The following ZNF385B variants were observed in gnomAD, a reference collection of about 807,000 sequenced individuals.
The protein encoded by ZNF385B is zinc finger protein 533.
ZNF385B carries 23 observed loss-of-function variants against 39.2 expected under a neutral mutation model. That is an observed-to-expected ratio of 0.59 (90% CI 0.42 to 0.83). ZNF385B has a LOEUF of 0.83. Ranked by LOEUF, ZNF385B falls within the 40% of genes least tolerant of loss-of-function variation. The pLI is 0.00. For synonymous variants in ZNF385B, 205 were observed against 222.6 expected (o/e 0.92, Z 0.70); for missense variants, 552 against 598.9 (o/e 0.92, Z 0.82).
At position 179,553,864 on chromosome 2, in the gene ZNF385B, T is replaced by G. The variant is rs1182789654; in HGVS notation, c.299-8895A>C. On this transcript the variant is annotated intron_variant, in intron 3 of 9. Coordinates refer to ENST00000410066, the MANE Select transcript of ZNF385B (RefSeq NM_152520.6). ...ATTTTTTTAGCATAGAATCAAGCCT[T>G]AAATTTTTTTTTAAATTAAGATGAC... 2.0e-5 allele frequency among the ~76,000 whole-genome samples: 3 copies of G among 148,954 alleles called. 1 individual carries two copies. Among genetic ancestry groups the G allele is most frequent in the Admixed American group, 1.3e-4 (2 of 14,936 alleles).
chr2:179,545,037 T>G, intron 3 of ZNF385B, 68 bp from the exon 4 acceptor site: 2 of 1,603,082 alleles, frequency 1.2e-6, no homozygotes, highest in Non-Finnish European at 1.7e-6. Context: ...AAACCTACAG[T>G]GCAAGAACAA....
chr2:179,843,522 T>C (rs1708650139), intron 1 of ZNF385B, among the ~76,000 whole-genome samples: 1 of 152,232 alleles, frequency 6.6e-6, no homozygotes, highest in Non-Finnish European at 1.5e-5. Context: ...CATATACTTG[T>C]GACATAGGTA....
At chr2:179,817,284 A>G (rs1439220948) in intron 1 of ZNF385B, among the ~76,000 whole-genome samples, 1 of 152,174 alleles carries the variant, frequency 6.6e-6, no homozygotes, top group Non-Finnish European at 1.5e-5. Context: ...AAAATAGAGA[A>G]TTGTTTCTTG....
intron 3 of ZNF385B, among the ~76,000 whole-genome samples, chr2:179,687,433 T>C (rs897565576): frequency 7.2e-5 from 11 of 152,146 alleles, no homozygotes; most frequent in South Asian, 4.1e-4. Context: ...ATTTCAATTA[T>C]GGGCATGGAC....
chr2:179,610,332 T>C (rs1272901405), intron 3 of ZNF385B, among the ~76,000 whole-genome samples: 1 of 152,322 alleles, frequency 6.6e-6, no homozygotes, highest in East Asian at 1.9e-4. Flanking sequence ...CAATCTCTGT[T>C]CTTTGCATTT....
rs73973273 is a variant in ZNF385B at position 179,448,441 on chromosome 2, A to C, written c.716-1671T>G. 6.4e-3 allele frequency among the ~76,000 whole-genome samples: 967 copies of C among 152,238 alleles called. 9 individuals carry two copies. Among genetic ancestry groups the C allele is most frequent in the African/African-American group, 0.022 (905 of 41,554 alleles). On this transcript the variant is annotated intron_variant, in intron 6 of 9. Coordinates refer to ENST00000410066, the MANE Select transcript of ZNF385B (RefSeq NM_152520.6). Reference sequence around the variant, plus strand: ...CATACTAAAATCTTTCCTTGCTTCAAGCATTTCATATGAATTTGATCTAAA... The same window carrying C: ...CATACTAAAATCTTTCCTTGCTTCACGCATTTCATATGAATTTGATCTAAA...
chr2:179,798,440 C>T (rs1420498562), intron 1 of ZNF385B, among the ~76,000 whole-genome samples: 1 of 152,052 alleles, frequency 6.6e-6, no homozygotes, highest in Non-Finnish European at 1.5e-5. Context: ...AAATAAAATA[C>T]ATCACAAGTT....
At chr2:179,493,664 T>C (rs1315784428) in intron 5 of ZNF385B, among the ~76,000 whole-genome samples, 7 of 126,136 alleles carry the variant, frequency 5.5e-5, no homozygotes, top group African/African-American at 1.4e-4. Flanking sequence ...CATATATGTA[T>C]ATGCATATGC....
intron 3 of ZNF385B, among the ~76,000 whole-genome samples, chr2:179,721,299 C>T (rs2106406275): frequency 6.6e-6 from 1 of 152,086 alleles, no homozygotes; most frequent in East Asian, 1.9e-4. Flanking sequence ...GCAATGAAAA[C>T]ATTCTGAGGA....
At chr2:179,456,127 T>C (rs752567474) in intron 6 of ZNF385B, among the ~76,000 whole-genome samples, 2 of 152,206 alleles carry the variant, frequency 1.3e-5, no homozygotes, top group East Asian at 1.9e-4. Context: ...ATTGAATTCA[T>C]ATATTCAATA....
intron 5 of ZNF385B, among the ~76,000 whole-genome samples, chr2:179,498,130 T>G (rs2056415988): frequency 6.6e-6 from 1 of 152,130 alleles, no homozygotes; most frequent in Non-Finnish European, 1.5e-5. Context: ...CAACCCACTT[T>G]CAGCACTGGG....
At chr2:179,505,079 A>C (rs572793023) in intron 5 of ZNF385B, among the ~76,000 whole-genome samples, 3 of 152,240 alleles carry the variant, frequency 2.0e-5, no homozygotes, top group Admixed American at 2.0e-4. Flanking sequence ...AGCAGTTTCC[A>C]GAATCTGGGA....
chr2:179,558,751 C>G (rs547116133), intron 3 of ZNF385B, among the ~76,000 whole-genome samples: 21 of 152,266 alleles, frequency 1.4e-4, no homozygotes, highest in South Asian at 2.1e-4. Flanking sequence ...GTATGATAGT[C>G]ATGGTGGCCA....
At chr2:179,475,254 T>TTTA (rs1439662896) in intron 6 of ZNF385B, among the ~76,000 whole-genome samples, 1 of 125,660 alleles carries the variant, frequency 8.0e-6, no homozygotes, top group East Asian at 2.0e-4. Context: ...TCGCACAATT[T>TTTA]TTTTTTTTTT....
chr2:179,480,696 C>G (rs76377117), intron 6 of ZNF385B, among the ~76,000 whole-genome samples: 2 of 136,638 alleles, frequency 1.5e-5, no homozygotes, highest in Non-Finnish European at 3.2e-5. Flanking sequence ...CAAATGCACT[C>G]CTTTTTTTTT....
chr2:179,752,875 C>T (rs1231688579), intron 3 of ZNF385B, among the ~76,000 whole-genome samples: 8 of 152,010 alleles, frequency 5.3e-5, no homozygotes, highest in Non-Finnish European at 1.2e-4. Flanking sequence ...TTCTCCCATT[C>T]TGTGGGTTGC....
At chr2:179,744,748 C>T (rs1172949664) in intron 3 of ZNF385B, among the ~76,000 whole-genome samples, 10 of 152,096 alleles carry the variant, frequency 6.6e-5, no homozygotes, top group Non-Finnish European at 2.9e-5. Context: ...TGCTTCCAAT[C>T]AAAGAAAAAT....
At chr2:179,826,693 A>G (rs1457762265) in intron 1 of ZNF385B, among the ~76,000 whole-genome samples, 2 of 151,248 alleles carry the variant, frequency 1.3e-5, no homozygotes, top group Non-Finnish European at 2.9e-5. Flanking sequence ...TGCTTTGTAA[A>G]TTATTCAGAA....
intron 1 of ZNF385B, among the ~76,000 whole-genome samples, chr2:179,781,394 C>T (rs527337622): frequency 4.2e-4 from 64 of 152,164 alleles, no homozygotes; most frequent in African/African-American, 1.3e-3. Flanking sequence ...AGGTAACTTA[C>T]GACAAAGTGG....
Sources: gnomAD v4.1 joint callset for allele counts (sites outside exome capture counted in the v4.1 genomes callset) on GRCh38, gnomAD v4.1.1 for gene constraint, MANE v1.5 for transcripts, NCBI Gene and HGNC (gene_info 2026-07-23, HGNC 2026-07-21) for gene names.